GCKR: variants seen among roughly 807,000 people sequenced by gnomAD.
GCKR encodes glucokinase regulator, also known as glucokinase regulatory protein.
A neutral mutation model predicts 82.9 loss-of-function variants in GCKR; 73 were observed. The ratio of observed to expected loss-of-function variants is 0.88; its 90% confidence interval spans 0.73 to 1.07. The LOEUF (loss-of-function observed/expected upper bound fraction) is 1.07, where lower values mean the gene tolerates loss of function less well. GCKR is among the 50% of genes least tolerant of loss of function. The pLI is 0.00. For synonymous variants in GCKR, 294 were observed against 291.8 expected (o/e 1.01, Z -0.08); for missense variants, 784 against 782.1 (o/e 1.00, Z -0.03).
chr2:27,522,875 G>A (rs1427739463), intron 18 of GCKR, among the ~76,000 whole-genome samples: 1 of 149,542 alleles, frequency 6.7e-6, no homozygotes, highest in Non-Finnish European at 1.5e-5. Flanking sequence ...TGTATCAAAT[G>A]CTTTAACTCC....
At chr2:27,499,931 C>T (rs193004715) in intron 7 of GCKR, among the ~76,000 whole-genome samples, 315 of 151,374 alleles carry the variant, frequency 2.1e-3, no homozygotes, top group Non-Finnish European at 3.1e-3. Context: ...CTAATTTTTG[C>T]ATTTTTAGTA....
rs767566472 is a variant in GCKR at position 27,507,301 on chromosome 2, T to C, written c.1133T>C (p.Leu378Pro). The stretch of plus-strand genomic sequence containing the variant: ...GACATGTTTAACCAGAAGGCTGAGC[T>C]CACCAACCAGGTCGGAGAAGAACAG... The part of the protein sequence containing the change: ...HSDMFNQKAE[L>P]TNQGPQFTFS... The change falls in exon 13 of 19, where the codon CTC becomes CCC. Residue 378 changes from leucine (L) to proline (P), a missense_variant. Physicochemically the swap from Leu to Pro is moderately conservative, Grantham distance 98. Coordinates refer to ENST00000264717, the MANE Select transcript of GCKR (RefSeq NM_001486.4). 3.1e-6 allele frequency: 5 copies of C among 1,605,948 alleles called. No homozygotes were observed. The South Asian group carries it at 5.5e-5, about 18-fold the overall frequency.
intron 16 of GCKR, among the ~76,000 whole-genome samples, chr2:27,511,051 A>G (rs1669869829): frequency 6.6e-6 from 1 of 152,062 alleles, no homozygotes; most frequent in Non-Finnish European, 1.5e-5. Flanking sequence ...TTTGTGAGAC[A>G]GAGTCTCGCT....
intron 16 of GCKR, among the ~76,000 whole-genome samples, chr2:27,512,235 CAAAA>C (rs60079696): frequency 6.5e-5 from 3 of 46,222 alleles, no homozygotes; most frequent in African/African-American, 1.9e-4. Context: ...GACTCCATCT[CAAAA>C]AAAAAAAAAA....
intron 9 of GCKR, 74 bp downstream of exon 9, chr2:27,503,693 C>A: frequency 1.3e-6 from 1 of 781,208 alleles, no homozygotes; most frequent in South Asian, 1.4e-5. Context: ...CTTGGGGCCT[C>A]TGATTTTAGG....
At chr2:27,501,490 G>T (rs961946264) in intron 8 of GCKR, among the ~76,000 whole-genome samples, 1 of 152,228 alleles carries the variant, frequency 6.6e-6, no homozygotes, top group African/African-American at 2.4e-5. Context: ...TCAAAACAGG[G>T]ATTGAAGAGG....
At chr2:27,516,541 C>T (rs2148591169) in intron 16 of GCKR, among the ~76,000 whole-genome samples, 1 of 152,022 alleles carries the variant, frequency 6.6e-6, no homozygotes, top group South Asian at 2.1e-4. Flanking sequence ...GTGATCCACT[C>T]ACCTCAGCCT....
chr2:27,515,714 T>C (rs761621110), intron 16 of GCKR, among the ~76,000 whole-genome samples: 27 of 150,262 alleles, frequency 1.8e-4, no homozygotes, highest in Non-Finnish European at 3.4e-4. Context: ...AATCCAATTA[T>C]TTATTTTTCC....
intron 16 of GCKR, among the ~76,000 whole-genome samples, chr2:27,514,725 G>A (rs941741334): frequency 6.6e-6 from 1 of 152,174 alleles, no homozygotes; most frequent in African/African-American, 2.4e-5. Flanking sequence ...TGTCAGAAGA[G>A]TATCTTTGGG....
At chr2:27,521,892 TG>T (rs1389757332) in intron 17 of GCKR, among the ~76,000 whole-genome samples, 2 of 151,928 alleles carry the variant, frequency 1.3e-5, no homozygotes, top group Non-Finnish European at 2.9e-5. Context: ...CCAGCTAATT[TG>T]TTTTATTTTT....
intron 16 of GCKR, among the ~76,000 whole-genome samples, chr2:27,516,291 T>G (rs1670006505): frequency 7.4e-6 from 1 of 134,506 alleles, no homozygotes; most frequent in African/African-American, 3.0e-5. Flanking sequence ...TTGTTTTTTT[T>G]TTTTTTTTTT....
chr2:27,512,558 A>G (rs1156830927), intron 16 of GCKR, among the ~76,000 whole-genome samples: 1 of 151,866 alleles, frequency 6.6e-6, no homozygotes, highest in Non-Finnish European at 1.5e-5. Context: ...AAAGAAGATA[A>G]TTGGAGATGC....
intron 16 of GCKR, among the ~76,000 whole-genome samples, chr2:27,516,647 T>G (rs754164083): frequency 1.8e-4 from 27 of 152,214 alleles, no homozygotes; most frequent in Non-Finnish European, 3.5e-4. Context: ...TTTTTCCATG[T>G]GTACTTTAAA....
intron 10 of GCKR, 25 bp from the exon 11 acceptor site, chr2:27,506,456 T>A (rs191785255): frequency 2.6e-6 from 4 of 1,531,544 alleles, no homozygotes; most frequent in Non-Finnish European, 3.6e-6. Flanking sequence ...GGGCCCTTCT[T>A]GAGAGCTGGT....
In GCKR at chr2:27,506,590, A is replaced by G. The variant is rs763415983; in HGVS notation, c.968+11A>G. ...GAGTGTCAGCACCAGGTGTGTGGATATGTGTTTAGAGGTGAGGATGTGGCC... is the reference window on the plus strand; with the variant it reads ...GAGTGTCAGCACCAGGTGTGTGGATGTGTGTTTAGAGGTGAGGATGTGGCC... On this transcript the variant is annotated intron_variant, in intron 11 of 18. Coordinates refer to ENST00000264717, the MANE Select transcript of GCKR (RefSeq NM_001486.4). 1.1e-5 allele frequency: 17 copies of G among 1,578,740 alleles called. No homozygotes were observed. In the South Asian group the frequency reaches 1.3e-4, roughly 12 times the overall value.
At chr2:27,508,872 C>CTTTT (rs57634090) in intron 16 of GCKR, among the ~76,000 whole-genome samples, 1 of 145,304 alleles carries the variant, frequency 6.9e-6, no homozygotes. Context: ...TTTACCACAC[C>CTTTT]TTTTTTTTTT....
chr2:27,508,289 C>G (rs1558438671), intron 16 of GCKR, 38 bp downstream of exon 16: 4 of 1,265,960 alleles, frequency 3.2e-6, no homozygotes, highest in East Asian at 2.3e-5. Flanking sequence ...CAGTAAGGGG[C>G]TCAGAGGGTG....
At position 27,507,695 on chromosome 2, in the gene GCKR, C is replaced by T. The variant is rs1162733454; in HGVS notation, c.1158C>T (p.Thr386=). Residue 386 remains threonine (T), a synonymous_variant, in exon 14 of 19, where the codon ACC becomes ACT. Coordinates refer to ENST00000264717, the MANE Select transcript of GCKR (RefSeq NM_001486.4). ...AELTNQGPQF[T]FSQEDFLTSI... The stretch of plus-strand genomic sequence containing the variant: ...TTCTGCCCCAGGGTCCCCAGTTCAC[C>T]TTCTCCCAGGAGGACTTCCTGACTT... The T allele has an allele frequency of 3.7e-6, 6 of 1,601,248 alleles. No individual in the cohort carries two copies. Among genetic ancestry groups the T allele is most frequent in the Non-Finnish European group, 5.1e-6 (6 of 1,168,690 alleles).
chr2:27,513,909 TTGTGTGTG>T (rs57848910), intron 16 of GCKR, among the ~76,000 whole-genome samples: 30,930 of 144,610 alleles, frequency 0.21, 3,360 homozygotes, highest in East Asian at 0.32. Context: ...TTATTTGCAT[TTGTGTGTG>T]TGTGTGTGTG....
Sources: gnomAD v4.1 joint callset for allele counts (sites outside exome capture counted in the v4.1 genomes callset) on GRCh38, gnomAD v4.1.1 for gene constraint, MANE v1.5 for transcripts, NCBI Gene and HGNC (gene_info 2026-07-23, HGNC 2026-07-21) for gene names.